TENM2: variants seen among roughly 807,000 people sequenced by gnomAD.
TENM2 encodes teneurin-2.
Under a neutral mutation model 245.2 loss-of-function variants are expected in TENM2, and 52 were observed. That is an observed-to-expected ratio of 0.21 (90% CI 0.17 to 0.27). TENM2 has a LOEUF of 0.27. TENM2 is among the 10% of genes least tolerant of loss of function. The probability of loss-of-function intolerance (pLI) is 1.00; values close to 1 mark genes in which losing one functional copy is unlikely to be tolerated. For synonymous variants in TENM2, 1,363 were observed against 1,438.9 expected (o/e 0.95, Z 1.19); for missense variants, 3,046 against 3,666.8 (o/e 0.83, Z 4.37).
chr5:167,489,721 C>A (rs1435202493), intron 2 of TENM2, among the ~76,000 whole-genome samples: 1 of 152,136 alleles, frequency 6.6e-6, no homozygotes, highest in Admixed American at 6.5e-5. Context: ...CAGTGCTAAG[C>A]ACAGTATGTA....
chr5:167,825,876 A>C (rs542422848), intron 2 of TENM2, among the ~76,000 whole-genome samples: 1 of 152,090 alleles, frequency 6.6e-6, no homozygotes, highest in Non-Finnish European at 1.5e-5. Context: ...AAAAAAAAAA[A>C]AAAACAACTG....
rs112197382 is a variant in TENM2 at position 167,312,700 on chromosome 5, G to GA, written c.226+27647dup. The stretch of plus-strand genomic sequence containing the variant: ...ATTTGCTACATAAACCTGAACAAAA[G>GA]AAAAAAAAAACTTGTGAGAGATGCT... On this transcript the variant is annotated intron_variant, in intron 1 of 28. Transcript: ENST00000518659. Among the ~76,000 whole-genome samples, 2,017 of 146,882 alleles carry GA rather than the reference G, an allele frequency of 0.014. 72 individuals are homozygous for GA. The East Asian group carries it at 0.15, about 11-fold the overall frequency.
At chr5:168,196,483 C>T (rs1419267661) in intron 15 of TENM2, among the ~76,000 whole-genome samples, 3 of 152,122 alleles carry the variant, frequency 2.0e-5, no homozygotes, top group Admixed American at 6.5e-5. Context: ...GTTTTTGAGA[C>T]GGAGTCTCAC....
intron 2 of TENM2, among the ~76,000 whole-genome samples, chr5:167,395,569 CGT>C (rs1762005687): frequency 6.6e-6 from 1 of 152,090 alleles, no homozygotes; most frequent in South Asian, 2.1e-4. Flanking sequence ...GTATCCTTGT[CGT>C]GTCCTTGATC....
chr5:167,565,592 G>A (rs1426712007), intron 2 of TENM2, among the ~76,000 whole-genome samples: 1 of 152,198 alleles, frequency 6.6e-6, no homozygotes. Flanking sequence ...ACTGCACAAA[G>A]AAATGATAGG....
At position 167,545,489 on chromosome 5, in the gene TENM2, C is replaced by T. The variant is rs549026857; in HGVS notation, c.502+170016C>T. Among the ~76,000 whole-genome samples, 19 of 152,226 alleles carry T rather than the reference C, an allele frequency of 1.2e-4. No individual in the cohort carries two copies. In the South Asian group the frequency reaches 3.5e-3, roughly 28 times the overall value. ...AAAGGGCAGAATCTTGCTAGATAAA[C>T]ATGTTTTTTAAAAGATTTAATTGTC... is the stretch of plus-strand genomic sequence containing the variant. On this transcript the variant is annotated intron_variant, in intron 2 of 28. Transcript: ENST00000518659.
At chr5:167,492,516 C>A (rs947282968) in intron 2 of TENM2, among the ~76,000 whole-genome samples, 1 of 152,060 alleles carries the variant, frequency 6.6e-6, no homozygotes, top group Non-Finnish European at 1.5e-5. Flanking sequence ...AGGTTGTGAG[C>A]AAACAATTTC....
chr5:167,538,013 C>T (rs1270039866), intron 2 of TENM2, among the ~76,000 whole-genome samples: 2 of 152,186 alleles, frequency 1.3e-5, no homozygotes, highest in Non-Finnish European at 2.9e-5. Flanking sequence ...ATGTGGGACA[C>T]TGTAGGATAA....
At chr5:167,929,223 G>A (rs1205135834) in intron 3 of TENM2, among the ~76,000 whole-genome samples, 1 of 145,208 alleles carries the variant, frequency 6.9e-6, no homozygotes, top group Non-Finnish European at 1.5e-5. Flanking sequence ...GGAAGGGAGG[G>A]ATGGAGGGAG....
At chr5:167,506,680 G>C (rs1280165140) in intron 2 of TENM2, among the ~76,000 whole-genome samples, 2 of 152,042 alleles carry the variant, frequency 1.3e-5, no homozygotes, top group Non-Finnish European at 2.9e-5. Context: ...TCATTATTAA[G>C]GTAAGCAACT....
chr5:167,291,985 A>G (rs775378299), intron 1 of TENM2, among the ~76,000 whole-genome samples: 11 of 152,190 alleles, frequency 7.2e-5, no homozygotes, highest in Non-Finnish European at 1.2e-4. Context: ...GTAGAAGGCA[A>G]AGGAGGAGCA....
intron 2 of TENM2, among the ~76,000 whole-genome samples, chr5:167,442,388 T>C (rs1764924739): frequency 6.6e-6 from 1 of 152,190 alleles, no homozygotes; most frequent in Non-Finnish European, 1.5e-5. Context: ...GAGTGGGCTC[T>C]CTAAACCCAT....
At chr5:167,651,558 A>G (rs935433087) in intron 2 of TENM2, among the ~76,000 whole-genome samples, 4 of 152,110 alleles carry the variant, frequency 2.6e-5, no homozygotes, top group African/African-American at 4.8e-5. Flanking sequence ...ATGACCCGAG[A>G]CATATGTAGA....
intron 5 of TENM2, among the ~76,000 whole-genome samples, chr5:168,030,170 T>TTTTTTTTTTTTTTC (rs1340491352): frequency 1.3e-4 from 13 of 100,824 alleles, no homozygotes; most frequent in African/African-American, 4.2e-4. Flanking sequence ...TTTTTTTTTT[T>TTTTTTTTTTTTTTC]TTTTTTTTTT....
chr5:168,139,043 T>C (rs573786647), intron 12 of TENM2, among the ~76,000 whole-genome samples: 2 of 152,340 alleles, frequency 1.3e-5, no homozygotes, highest in South Asian at 2.1e-4. Context: ...GTTTGGTTAA[T>C]TTTTCAACAT....
intron 25 of TENM2, chr5:168,229,686 G>A (rs1048497166): frequency 6.6e-6 from 1 of 152,130 alleles, no homozygotes; most frequent in Non-Finnish European, 1.5e-5. Context: ...CTGTGTAACT[G>A]GATTGAAATC....
At chr5:167,495,818 A>C (rs1466712164) in intron 2 of TENM2, among the ~76,000 whole-genome samples, 1 of 152,112 alleles carries the variant, frequency 6.6e-6, no homozygotes, top group Non-Finnish European at 1.5e-5. Context: ...ATAAAGGTTT[A>C]AATGTTTTAA....
At chr5:167,704,071 C>T (rs1687617345) in intron 2 of TENM2, among the ~76,000 whole-genome samples, 1 of 152,144 alleles carries the variant, frequency 6.6e-6, no homozygotes, top group South Asian at 2.1e-4. Context: ...AACTTGGTTT[C>T]CTCAGAGAAC....
chr5:167,946,230 C>A lies in TENM2; in HGVS notation c.713-6358C>A, dbSNP rs556549752. On this transcript the variant is annotated intron_variant, in intron 3 of 28. Coordinates refer to ENST00000518659, the Ensembl canonical transcript of TENM2. ...CTGGATTTGGACCTATTCCTTCCAT[C>A]CCTGGGCTCTTGGCAAAGTACCTCA... Among the ~76,000 whole-genome samples, 7 of 152,216 alleles carry A rather than the reference C, an allele frequency of 4.6e-5. No homozygotes were observed. In the South Asian group the frequency reaches 1.5e-3, roughly 32 times the overall value.
Sources: gnomAD v4.1 joint callset for allele counts (sites outside exome capture counted in the v4.1 genomes callset) on GRCh38, gnomAD v4.1.1 for gene constraint, MANE v1.5 for transcripts, NCBI Gene and HGNC (gene_info 2026-07-23, HGNC 2026-07-21) for gene names.